Variants in FHIP1A observed in about 807,000 individuals in gnomAD.
FHIP1A encodes the protein FHF complex subunit HOOK interacting protein 1A, also known as FHF complex subunit HOOK-interacting protein 1A.
In FHIP1A, 61 loss-of-function variants were observed where a neutral mutation model predicts 88.6. The ratio of observed to expected loss-of-function variants is 0.69; its 90% CI spans 0.56 to 0.85. The LOEUF (loss-of-function observed/expected upper bound fraction) is 0.85. Among genes scored for constraint, FHIP1A ranks in the 40% least tolerant of loss-of-function variants. FHIP1A has a pLI of 0.00. For synonymous variants in FHIP1A, 478 were observed against 496.0 expected (o/e 0.96, Z 0.48); for missense variants, 1,154 against 1,273.5 (o/e 0.91, Z 1.43).
chr4:151,621,646 T>C (rs1735750803), intron 7 of FHIP1A, among the ~76,000 whole-genome samples: 4 of 152,298 alleles, frequency 2.6e-5, no homozygotes, highest in Admixed American at 2.6e-4. Flanking sequence ...GGTTCTCAGA[T>C]ACTTCATTCT....
chr4:151,430,335 G>A (rs1733546060), intron 1 of FHIP1A, among the ~76,000 whole-genome samples: 1 of 152,166 alleles, frequency 6.6e-6, no homozygotes, highest in Admixed American at 6.5e-5. Context: ...TACATTCCCA[G>A]GTGTTGAGTT....
chr4:151,653,996 C>T (rs913506208), intron 11 of FHIP1A, among the ~76,000 whole-genome samples: 7 of 151,686 alleles, frequency 4.6e-5, no homozygotes, highest in African/African-American at 9.7e-5. Context: ...GAAACACCTG[C>T]GGCTTCCTGA....
intron 8 of FHIP1A, among the ~76,000 whole-genome samples, chr4:151,635,770 G>A (rs1736330093): frequency 6.6e-6 from 1 of 151,816 alleles, no homozygotes; most frequent in East Asian, 1.9e-4. Flanking sequence ...CTGAGTTTCA[G>A]TTTTGCAAAA....
At chr4:151,644,820 C>T (rs185978782) in intron 9 of FHIP1A, among the ~76,000 whole-genome samples, 63 of 152,272 alleles carry the variant, frequency 4.1e-4, no homozygotes, top group Non-Finnish European at 7.4e-4. Context: ...CTGGCGCCCT[C>T]CTGTGGTGCT....
chr4:151,551,387 G>A (rs934405100), intron 3 of FHIP1A, among the ~76,000 whole-genome samples: 2 of 152,136 alleles, frequency 1.3e-5, no homozygotes, highest in African/African-American at 4.8e-5. Flanking sequence ...ACAATCCTAA[G>A]CCAAAAGAAC....
intron 1 of FHIP1A, among the ~76,000 whole-genome samples, chr4:151,435,554 G>T (rs971688421): frequency 1.3e-5 from 2 of 152,164 alleles, no homozygotes; most frequent in African/African-American, 2.4e-5. Context: ...GGAGGCTGAG[G>T]CGGCTGGATC....
intron 3 of FHIP1A, among the ~76,000 whole-genome samples, chr4:151,486,443 C>G (rs565025491): frequency 4.6e-5 from 7 of 152,128 alleles, no homozygotes; most frequent in African/African-American, 1.2e-4. Context: ...TTCAATACGT[C>G]TTGGATAACT....
chr4:151,446,008 G>C (rs1419044932), intron 1 of FHIP1A, among the ~76,000 whole-genome samples: 1 of 151,708 alleles, frequency 6.6e-6, no homozygotes, highest in African/African-American at 2.4e-5. Flanking sequence ...AGTTTCTCTA[G>C]GATATAAACC....
intron 3 of FHIP1A, among the ~76,000 whole-genome samples, chr4:151,494,679 T>C (rs532002751): frequency 3.9e-5 from 6 of 152,340 alleles, no homozygotes; most frequent in African/African-American, 1.4e-4. Context: ...ATATGAATTT[T>C]GAAATACTTT....
chr4:151,434,788 G>A (rs1184991950), intron 1 of FHIP1A, among the ~76,000 whole-genome samples: 1 of 152,186 alleles, frequency 6.6e-6, no homozygotes, highest in African/African-American at 2.4e-5. Context: ...TGTAGTATTA[G>A]TTGGTTGTTT....
intron 7 of FHIP1A, 41 bp from the exon 8 acceptor site, chr4:151,629,661 A>T: frequency 6.5e-7 from 1 of 1,535,890 alleles, no homozygotes; most frequent in Non-Finnish European, 8.8e-7. Flanking sequence ...TCACAGCATC[A>T]AAAGGATGCT....
At chr4:151,608,121 T>G (rs762141206) in intron 7 of FHIP1A, among the ~76,000 whole-genome samples, 6 of 139,500 alleles carry the variant, frequency 4.3e-5, no homozygotes, top group African/African-American at 5.2e-5. Flanking sequence ...CTCGGTTCAC[T>G]GCAACCTCTG....
In FHIP1A at chr4:151,509,216, G is replaced by A. The variant is rs186536411; in HGVS notation, c.-123+26568G>A. 8.5e-4 allele frequency among the ~76,000 whole-genome samples: 129 copies of A among 152,200 alleles called. 1 individual carries two copies. In the East Asian group the frequency reaches 0.014, roughly 17 times the overall value. Reference sequence around the variant, plus strand: ...CTCACTCTGTCGCCCAGGCTGGAGTGCAGTGGCGTGATCTCGGCTCATCAC... The same window carrying A: ...CTCACTCTGTCGCCCAGGCTGGAGTACAGTGGCGTGATCTCGGCTCATCAC... On this transcript the variant is annotated intron_variant, in intron 3 of 13. Transcript: ENST00000435205.
Position 151,535,164 on chromosome 4 carries a change from T to C in FHIP1A, c.-122-30974T>C, listed in dbSNP as rs903848287. On this transcript the variant is annotated intron_variant, in intron 3 of 13. Transcript: ENST00000435205. ...CCCGGAAATCAAAGCTGCAGTGAGC[T>C]GTGATTGTGCCACTGCACTCCAGCC... is the stretch of plus-strand genomic sequence containing the variant. Among the ~76,000 whole-genome samples the C allele has an allele frequency of 5.9e-5, 9 of 152,152 alleles. No individual in the cohort carries two copies. The East Asian group carries it at 1.7e-3, about 29-fold the overall frequency.
chr4:151,484,942 C>T (rs1250693701), intron 3 of FHIP1A, among the ~76,000 whole-genome samples: 9 of 152,134 alleles, frequency 5.9e-5, no homozygotes, highest in Non-Finnish European at 1.0e-4. Flanking sequence ...AGGAATGTTT[C>T]TCTGTGGCTT....
intron 3 of FHIP1A, among the ~76,000 whole-genome samples, chr4:151,529,183 C>T (rs560858231): frequency 6.6e-6 from 1 of 152,278 alleles, no homozygotes; most frequent in South Asian, 2.1e-4. Context: ...GAGATACCCT[C>T]CTGTGACCTC....
At chr4:151,599,431 A>G (rs560168393) in intron 7 of FHIP1A, among the ~76,000 whole-genome samples, 25 of 150,728 alleles carry the variant, frequency 1.7e-4, no homozygotes, top group African/African-American at 5.6e-4. Flanking sequence ...ATTTGGGGAA[A>G]TGCCTGTGTG....
At chr4:151,428,856 AC>A (rs1479004464) in intron 1 of FHIP1A, among the ~76,000 whole-genome samples, 3 of 152,268 alleles carry the variant, frequency 2.0e-5, no homozygotes, top group Middle Eastern at 3.4e-3. Context: ...TCATCTTTAT[AC>A]ATCTCCACCT....
chr4:151,569,687 T>A (rs1733524002), intron 4 of FHIP1A, among the ~76,000 whole-genome samples: 1 of 152,238 alleles, frequency 6.6e-6, no homozygotes, highest in Non-Finnish European at 1.5e-5. Context: ...GTTAATAGCC[T>A]CTTTTCCAGA....
Sources: gnomAD v4.1 joint callset for allele counts (sites outside exome capture counted in the v4.1 genomes callset) on GRCh38, gnomAD v4.1.1 for gene constraint, MANE v1.5 for transcripts, NCBI Gene and HGNC (gene_info 2026-07-23, HGNC 2026-07-21) for gene names.